Variants in ENOX1 observed in about 807,000 individuals in gnomAD.
The protein encoded by ENOX1 is ecto-NOX disulfide-thiol exchanger 1, also known as candidate growth-related and time keeping constitutive hydroquinone (NADH) oxidase.
ENOX1 carries 42 observed loss-of-function variants against 82.5 expected under a neutral mutation model. The ratio of observed to expected loss-of-function variants is 0.51; its 90% CI spans 0.40 to 0.66. The LOEUF (loss-of-function observed/expected upper bound fraction) is 0.66, where lower values mean the gene tolerates loss of function less well. Ranked by LOEUF, ENOX1 falls within the 30% of genes least tolerant of loss-of-function variation. The pLI, the probability that ENOX1 is intolerant of heterozygous loss-of-function variation, is 0.00. For synonymous variants in ENOX1, 271 were observed against 282.2 expected, an observed-to-expected ratio of 0.96 and a Z score of 0.40; for missense variants, 608 against 811.6, an observed-to-expected ratio of 0.75 and a Z score of 3.05.
intron 16 of ENOX1, among the ~76,000 whole-genome samples, chr13:43,218,124 C>T (rs1006983009): frequency 3.9e-5 from 6 of 152,138 alleles, no homozygotes; most frequent in African/African-American, 9.7e-5. Context: ...TTGAAATCCT[C>T]GTAATTACTT....
intron 3 of ENOX1, among the ~76,000 whole-genome samples, chr13:43,425,383 T>C (rs1310464987): frequency 6.6e-6 from 1 of 152,200 alleles, no homozygotes; most frequent in Non-Finnish European, 1.5e-5. Flanking sequence ...CCAAGGCCTT[T>C]ACCCTCTGTC....
chr13:43,615,928 T>C (rs1157431527), intron 2 of ENOX1, among the ~76,000 whole-genome samples: 2 of 151,524 alleles, frequency 1.3e-5, no homozygotes, highest in African/African-American at 4.8e-5. Context: ...GAACTCGTCC[T>C]TTTTTTGTGG....
At position 43,300,151 on chromosome 13, in the gene ENOX1, C is replaced by T. The variant is rs190174311; in HGVS notation, c.1262-1621G>A. On this transcript the variant is annotated intron_variant, in intron 11 of 16. Transcript: ENST00000690772. ...TTCCCTACCTCAAGCCAGTAGGGAT[C>T]AATTACTTAACACGCATTTACTTCA... 2.1e-3 allele frequency among the ~76,000 whole-genome samples: 323 copies of T among 152,232 alleles called. 1 individual carries two copies. The highest frequency in any genetic ancestry group is 6.9e-3 in the African/African-American group (288 of 41,550).
intron 1 of ENOX1, among the ~76,000 whole-genome samples, chr13:43,781,908 T>C (rs1273326615): frequency 6.6e-6 from 1 of 152,272 alleles, no homozygotes; most frequent in Non-Finnish European, 1.5e-5. Context: ...CCTTCCTGGC[T>C]ATCCTGGAGG....
chr13:43,403,859 T>C (rs1316348478), intron 5 of ENOX1, among the ~76,000 whole-genome samples: 1 of 151,300 alleles, frequency 6.6e-6, no homozygotes, highest in Non-Finnish European at 1.5e-5. Flanking sequence ...AATAAATAAA[T>C]AAAAAGAAAG....
intron 2 of ENOX1, among the ~76,000 whole-genome samples, chr13:43,538,379 G>T (rs2078559388): frequency 6.6e-6 from 1 of 152,128 alleles, no homozygotes; most frequent in Non-Finnish European, 1.5e-5. Context: ...ATAAATTATT[G>T]TAGACTTTGG....
intron 5 of ENOX1, among the ~76,000 whole-genome samples, chr13:43,389,366 T>C (rs958340906): frequency 5.9e-5 from 9 of 152,244 alleles, no homozygotes; most frequent in African/African-American, 1.7e-4. Context: ...CATTCACCCA[T>C]GGAGTTAGTA....
intron 14 of ENOX1, among the ~76,000 whole-genome samples, chr13:43,251,602 G>A (rs1156938915): frequency 6.6e-6 from 1 of 152,154 alleles, no homozygotes; most frequent in African/African-American, 2.4e-5. Context: ...GATTTGGACT[G>A]ATCTTAGGGT....
At chr13:43,610,007 T>A (rs2082131306) in intron 2 of ENOX1, 1 of 554,448 alleles carries the variant, frequency 1.8e-6, no homozygotes, top group South Asian at 7.9e-5. Context: ...TTCCCAAGTT[T>A]TGAAATTTTG....
chr13:43,688,570 C>G (rs1435306210), intron 1 of ENOX1, among the ~76,000 whole-genome samples: 1 of 152,140 alleles, frequency 6.6e-6, no homozygotes, highest in African/African-American at 2.4e-5. Flanking sequence ...AATGAGCATG[C>G]CTGTGTCCCC....
intron 9 of ENOX1, among the ~76,000 whole-genome samples, chr13:43,339,903 G>C (rs2048956467): frequency 1.3e-5 from 2 of 152,196 alleles, no homozygotes; most frequent in South Asian, 4.1e-4. Context: ...GGGTGTGACT[G>C]GTTCTGCTTT....
At chr13:43,677,169 AG>A (rs1421207490) in intron 1 of ENOX1, among the ~76,000 whole-genome samples, 2 of 152,138 alleles carry the variant, frequency 1.3e-5, no homozygotes, top group African/African-American at 4.8e-5. Flanking sequence ...TGAGATTGGC[AG>A]AGAATACAGG....
rs148467963 is a variant in ENOX1, at chr13:43,477,272, T to C, written c.-75+6737A>G. ...ACAACCTTATTATCATGATAGTACCTCTGGGAAAGGAGAAGTAGATATCTG... is the reference window on the plus strand; with the variant it reads ...ACAACCTTATTATCATGATAGTACCCCTGGGAAAGGAGAAGTAGATATCTG... On this transcript the variant is annotated intron_variant, in intron 3 of 16. Coordinates refer to ENST00000690772, the MANE Select transcript of ENOX1 (RefSeq NM_001347969.2). Among the ~76,000 whole-genome samples, 287 of 151,432 alleles carry C rather than the reference T, an allele frequency of 1.9e-3. 6 individuals are homozygous for C. Among genetic ancestry groups the C allele is most frequent in the Middle Eastern group, 0.011 (3 of 282 alleles).
intron 2 of ENOX1, among the ~76,000 whole-genome samples, chr13:43,486,005 T>C (rs1228126811): frequency 6.6e-6 from 1 of 152,088 alleles, no homozygotes. Flanking sequence ...GGTCAGGAGA[T>C]GGAGGCCATC....
At chr13:43,375,791 C>A (rs1398141086) in intron 5 of ENOX1, among the ~76,000 whole-genome samples, 1 of 152,216 alleles carries the variant, frequency 6.6e-6, no homozygotes, top group African/African-American at 2.4e-5. Context: ...CAATAGCAGT[C>A]ATTTTTCCTG....
chr13:43,567,144 G>GAA (rs370551820), intron 2 of ENOX1, among the ~76,000 whole-genome samples: 49 of 152,230 alleles, frequency 3.2e-4, no homozygotes, highest in African/African-American at 1.1e-3. Context: ...ACAGATGGAG[G>GAA]AAAATATATA....
intron 11 of ENOX1, among the ~76,000 whole-genome samples, chr13:43,314,843 A>C (rs534118425): frequency 2.2e-4 from 34 of 152,356 alleles, no homozygotes; most frequent in African/African-American, 7.9e-4. Context: ...TGGCCCAGTT[A>C]CCATGCTTTT....
intron 3 of ENOX1, among the ~76,000 whole-genome samples, chr13:43,417,046 C>T (rs890028751): frequency 6.6e-6 from 1 of 152,134 alleles, no homozygotes; most frequent in Non-Finnish European, 1.5e-5. Flanking sequence ...CTGTCTCCAC[C>T]AAAAATACAA....
chr13:43,344,423 A>G, intron 9 of ENOX1, 115 bp downstream of exon 9: 1 of 831,156 alleles, frequency 1.2e-6, no homozygotes, highest in Non-Finnish European at 1.9e-6. Context: ...GCCATTCAAT[A>G]TGGAGTAAAA....
Sources: allele counts gnomAD v4.1 joint callset (sites outside exome capture counted in the v4.1 genomes callset), GRCh38; gene constraint gnomAD v4.1.1; transcripts MANE v1.5; gene names NCBI Gene and HGNC (gene_info 2026-07-23, HGNC 2026-07-21).